The following SEPTIN9 variants were observed in gnomAD, a reference collection of about 807,000 sequenced individuals.
The protein encoded by SEPTIN9 is septin 9.
In SEPTIN9, 13 loss-of-function variants were observed where a neutral mutation model predicts 56.6. The observed-to-expected ratio is 0.23, with a 90% CI of 0.15 to 0.37. The LOEUF (loss-of-function observed/expected upper bound fraction) is 0.37. Ranked by LOEUF, SEPTIN9 falls within the 10% of genes least tolerant of loss-of-function variation. The pLI is 1.00. For missense variants in SEPTIN9, 650 were observed against 823.1 expected (o/e 0.79, Z 2.57); for synonymous variants, 332 against 334.1 (o/e 0.99, Z 0.07).
chr17:77,498,727 AC>A lies in SEPTIN9; in HGVS notation c.*73del. The A allele has an allele frequency of 1.3e-5, 6 of 460,912 alleles. No homozygotes were observed. The highest frequency in any genetic ancestry group is 1.9e-5 in the Non-Finnish European group (6 of 322,488). The allele number at this position is 460,912 out of a possible 1,614,324, so 28.6% of individuals were successfully genotyped here. ...CCGTCCCCCCCCAGGCCCTCCCACC[AC>A]CCCATTTTATTTTATATGATTTTCT... On this transcript the variant is annotated 3_prime_UTR_variant, in exon 12 of 12. Coordinates refer to ENST00000427177, the MANE Select transcript of SEPTIN9 (RefSeq NM_001113491.2).
chr17:77,376,387 G>A, intron 2 of SEPTIN9: 2 of 985,722 alleles, frequency 2.0e-6, no homozygotes, highest in African/African-American at 1.7e-5. Flanking sequence ...CTGGTGTCTT[G>A]GTTCCTGCAA....
rs2037345505 is a variant in SEPTIN9 at position 77,436,577 on chromosome 17, T to C, written c.721+33874T>C. ...CCCTCCTCCACGCAGACCCTCAGCCTGGAATGATCAGTGTCCAGCTTTTCT... is the reference window on the plus strand; with the variant it reads ...CCCTCCTCCACGCAGACCCTCAGCCCGGAATGATCAGTGTCCAGCTTTTCT... On this transcript the variant is annotated intron_variant, in intron 3 of 11. Coordinates refer to ENST00000427177, the MANE Select transcript of SEPTIN9 (RefSeq NM_001113491.2). The surrounding 1 kb of genome is among the most constrained non-coding windows in gnomAD (Gnocchi z 4.4). 6.6e-6 allele frequency among the ~76,000 whole-genome samples: 1 copy of C among 152,214 alleles called. No homozygotes were observed. Among genetic ancestry groups the C allele is most frequent in the South Asian group, 2.1e-4 (1 of 4,836 alleles).
intron 3 of SEPTIN9, among the ~76,000 whole-genome samples, chr17:77,441,759 G>T (rs1048532410): frequency 2.0e-5 from 3 of 152,182 alleles, no homozygotes; most frequent in Admixed American, 6.5e-5. Flanking sequence ...TCTGTCTAGC[G>T]CAAGAGGTGA....
chr17:77,323,142 G>C lies in SEPTIN9; in HGVS notation c.76+15945G>C, dbSNP rs1274802425. Among the ~76,000 whole-genome samples the C allele has an allele frequency of 2.0e-5, 3 of 152,116 alleles. No individual in the cohort carries two copies. Among genetic ancestry groups the C allele is most frequent in the African/African-American group, 7.2e-5 (3 of 41,418 alleles). ...CCCTCCCTCGGCAGTGTCTGGCTCC[G>C]GTCTGGTTTGTGAACGGGGGCCTGG... On this transcript the variant is annotated intron_variant, in intron 2 of 11. Coordinates refer to ENST00000427177, the MANE Select transcript of SEPTIN9 (RefSeq NM_001113491.2). This position sits in a 1 kb window ranked among gnomAD's most constrained non-coding sequence, Gnocchi z 6.8.
intron 2 of SEPTIN9, among the ~76,000 whole-genome samples, chr17:77,339,514 A>ATT (rs34622485): frequency 6.8e-6 from 1 of 146,060 alleles, no homozygotes. Context: ...GGTCTCAATG[A>ATT]TTTTTTTTTT....
chr17:77,480,848 G>A (rs935898709), intron 3 of SEPTIN9, among the ~76,000 whole-genome samples: 9 of 152,192 alleles, frequency 5.9e-5, no homozygotes, highest in East Asian at 1.9e-4. Context: ...AAGTCTCCCC[G>A]CAGGCAGAGC....
intron 3 of SEPTIN9, among the ~76,000 whole-genome samples, chr17:77,481,349 G>A (rs2039447303): frequency 6.6e-6 from 1 of 152,250 alleles, no homozygotes; most frequent in South Asian, 2.1e-4. Context: ...CGCTGGCCAG[G>A]CACACAAGAC....
intron 2 of SEPTIN9, among the ~76,000 whole-genome samples, chr17:77,332,104 C>T (rs2033388472): frequency 6.6e-6 from 1 of 151,984 alleles, no homozygotes; most frequent in Non-Finnish European, 1.5e-5. Flanking sequence ...AGTGAGATCC[C>T]ATCTCTATAA....
chr17:77,303,110 T>C (rs1223805647), intron 1 of SEPTIN9, among the ~76,000 whole-genome samples: 2 of 151,946 alleles, frequency 1.3e-5, no homozygotes, highest in African/African-American at 4.8e-5. Context: ...TTTATTGTTA[T>C]TATTTTTTGA....
chr17:77,396,057 T>C (rs1018399075), intron 2 of SEPTIN9, among the ~76,000 whole-genome samples: 3 of 152,238 alleles, frequency 2.0e-5, no homozygotes, highest in Non-Finnish European at 4.4e-5. Flanking sequence ...TTTGGGAGCT[T>C]GCGAGATTGG....
chr17:77,292,962 C>T (rs902068835), intron 1 of SEPTIN9, among the ~76,000 whole-genome samples: 12 of 152,030 alleles, frequency 7.9e-5, no homozygotes, highest in African/African-American at 2.9e-4. Context: ...GTAATGGGGT[C>T]TAACCAGGAA....
At chr17:77,446,684 G>A (rs1384927068) in intron 3 of SEPTIN9, 1 of 167,010 alleles carries the variant, frequency 6.0e-6, no homozygotes, top group East Asian at 1.9e-4. Context: ...GTGATTTGGG[G>A]CCCACCTGGG....
At chr17:77,454,770 C>T (rs1428764286) in intron 3 of SEPTIN9, among the ~76,000 whole-genome samples, 2 of 152,346 alleles carry the variant, frequency 1.3e-5, no homozygotes, top group East Asian at 1.9e-4. Context: ...GGAGCGGGTG[C>T]AGGAAGAGAG....
intron 3 of SEPTIN9, among the ~76,000 whole-genome samples, chr17:77,439,510 G>T (rs2144331880): frequency 6.6e-6 from 1 of 152,318 alleles, no homozygotes; most frequent in Admixed American, 6.5e-5. Flanking sequence ...CTTGGCTGGT[G>T]GGCGTCCCCA....
At chr17:77,337,726 CT>C (rs2033600659) in intron 2 of SEPTIN9, among the ~76,000 whole-genome samples, 1 of 152,100 alleles carries the variant, frequency 6.6e-6, no homozygotes, top group African/African-American at 2.4e-5. Flanking sequence ...CCTTGTCTTA[CT>C]TTTGGTAAGT....
At chr17:77,413,085 G>GGC (rs1158119495) in intron 3 of SEPTIN9, among the ~76,000 whole-genome samples, 1 of 128,762 alleles carries the variant, frequency 7.8e-6, no homozygotes, top group African/African-American at 3.5e-5. Context: ...GAGCGGGTGG[G>GGC]GCGTGTGTGT....
At chr17:77,308,437 A>G (rs994250189) in intron 2 of SEPTIN9, among the ~76,000 whole-genome samples, 3 of 152,244 alleles carry the variant, frequency 2.0e-5, no homozygotes, top group African/African-American at 4.8e-5. Context: ...AGCTCCGTCT[A>G]ATAGAACCTT....
At chr17:77,432,572 C>A (rs1225778395) in intron 3 of SEPTIN9, among the ~76,000 whole-genome samples, 1 of 152,216 alleles carries the variant, frequency 6.6e-6, no homozygotes, top group Non-Finnish European at 1.5e-5. Flanking sequence ...ACCAGCCCCT[C>A]CTCAGGCCAG....
chr17:77,491,805 CAAAAAA>C (rs35233871), intron 8 of SEPTIN9, among the ~76,000 whole-genome samples: 1 of 59,602 alleles, frequency 1.7e-5, no homozygotes, highest in South Asian at 7.9e-4. Context: ...GACTCCATCT[CAAAAAA>C]AAAAAAAAAA....
Sources: allele counts gnomAD v4.1 joint callset (sites outside exome capture counted in the v4.1 genomes callset), GRCh38; gene constraint gnomAD v4.1.1; non-coding constraint Gnocchi (gnomAD v3.1); transcripts MANE v1.5; gene names NCBI Gene and HGNC (gene_info 2026-07-23, HGNC 2026-07-21).